Variants in XKR6 observed in about 807,000 individuals in gnomAD.
XKR6 encodes the protein XK related 6, also known as XK-related protein 6.
XKR6 carries 22 observed loss-of-function variants against 56.7 expected under a neutral mutation model. The ratio of observed to expected loss-of-function variants is 0.39; its 90% CI spans 0.28 to 0.55. The LOEUF is 0.55. Ranked by LOEUF, XKR6 falls within the 20% of genes least tolerant of loss-of-function variation. The pLI is 0.66. For missense variants in XKR6, 852 were observed against 889.0 expected (o/e 0.96, Z 0.53); for synonymous variants, 524 against 387.8 (o/e 1.35, Z -4.13).
chr8:10,900,042 C>T (rs1033542164), intron 2 of XKR6, among the ~76,000 whole-genome samples: 2 of 152,120 alleles, frequency 1.3e-5, no homozygotes, highest in Non-Finnish European at 2.9e-5. Flanking sequence ...CACAGTCCAT[C>T]TGGGGCCTCT....
At chr8:10,948,174 G>C (rs779382297) in intron 1 of XKR6, among the ~76,000 whole-genome samples, 1 of 152,176 alleles carries the variant, frequency 6.6e-6, no homozygotes, top group African/African-American at 2.4e-5. Context: ...TCCCAGCTAC[G>C]GGTGAAGAGG....
chr8:11,098,084 C>T (rs1051082264), intron 1 of XKR6, among the ~76,000 whole-genome samples: 3 of 152,110 alleles, frequency 2.0e-5, no homozygotes, highest in Non-Finnish European at 4.4e-5. Context: ...CCTTGCTAGG[C>T]TCTGCAGTTT....
chr8:11,062,110 C>T (rs1799850095), intron 1 of XKR6, among the ~76,000 whole-genome samples: 1 of 152,172 alleles, frequency 6.6e-6, no homozygotes, highest in Non-Finnish European at 1.5e-5. Flanking sequence ...GACCTGACAG[C>T]AGACAGCAAA....
intron 1 of XKR6, among the ~76,000 whole-genome samples, chr8:11,089,259 A>G (rs1391167943): frequency 7.2e-5 from 11 of 152,210 alleles, no homozygotes; most frequent in Admixed American, 7.2e-4. Flanking sequence ...CAGCTAAAAG[A>G]AAACCTTAGA....
intron 2 of XKR6, among the ~76,000 whole-genome samples, chr8:10,905,555 C>T (rs184511119): frequency 6.6e-6 from 1 of 152,150 alleles, no homozygotes; most frequent in Admixed American, 6.5e-5. Context: ...GCATTGTACC[C>T]CAGTAGGCTG....
At chr8:11,050,788 G>A (rs1219897797) in intron 1 of XKR6, among the ~76,000 whole-genome samples, 2 of 151,884 alleles carry the variant, frequency 1.3e-5, no homozygotes, top group African/African-American at 4.8e-5. Flanking sequence ...ACAGACGGAT[G>A]ACCATGTCCC....
intron 1 of XKR6, among the ~76,000 whole-genome samples, chr8:11,035,728 C>T (rs1799123841): frequency 6.6e-6 from 1 of 152,164 alleles, no homozygotes. Flanking sequence ...TCAGATCCAT[C>T]ATCCCTGTGA....
At chr8:11,078,350 C>A (rs1453484402) in intron 1 of XKR6, among the ~76,000 whole-genome samples, 5 of 152,166 alleles carry the variant, frequency 3.3e-5, no homozygotes, top group Admixed American at 6.5e-5. Flanking sequence ...CTGCCACTTG[C>A]CCAAGAACAC....
rs1799973608 is a variant in XKR6, at chr8:10,899,329, A to G, written c.962-413T>C. ...AGCCTGTGCTCTCAGAGAAGCCCAC[A>G]GGAGGAATCGCCAATTGTGAAGACC... On this transcript the variant is annotated intron_variant, in intron 2 of 2. Transcript: ENST00000416569. 2.0e-5 allele frequency among the ~76,000 whole-genome samples: 3 copies of G among 152,248 alleles called. 1 individual carries two copies. The highest frequency in any genetic ancestry group is 1.3e-4 in the Admixed American group (2 of 15,282).
chr8:11,148,793 G>A lies in XKR6; in HGVS notation c.764+51783C>T, dbSNP rs566922609. On this transcript the variant is annotated intron_variant, in intron 1 of 2. Transcript: ENST00000416569. ...ACAACACAAGTATCCATTAGCAGAT[G>A]AATGGACAAACTGGTGTTTCCATAT... Among the ~76,000 whole-genome samples the A allele has an allele frequency of 3.3e-5, 5 of 152,268 alleles. No homozygotes were observed. The East Asian group carries it at 7.7e-4, about 23-fold the overall frequency.
rs961289266 is a variant in XKR6 at position 11,201,151 on chromosome 8, G to A, written c.189C>T (p.Ser63=). 3 of 1,522,216 alleles carry A rather than the reference G, an allele frequency of 2.0e-6. No homozygotes were observed. Among genetic ancestry groups the A allele is most frequent in the East Asian group, 2.5e-5 (1 of 39,286 alleles). 94.3% of individuals were successfully genotyped at this position (1,522,216 alleles called of 1,614,324 possible). A position where few individuals can be genotyped will look rare whatever the true frequency, so the allele number is the denominator to read the frequency against. Reference sequence around the variant, plus strand: ...CGGAGCGGCAGCCCCAGTAGCACGAGGAGGTGTTGCAGCAGTGGCAGATGT... The same window carrying A: ...CGGAGCGGCAGCCCCAGTAGCACGAAGAGGTGTTGCAGCAGTGGCAGATGT... ...SMHICHCCNT[S]SCYWGCRSAC... The change falls in exon 1 of 3, where the codon TCC becomes TCT. Residue 63 remains serine (S), a synonymous_variant. Transcript: ENST00000416569.
At chr8:11,100,243 G>A (rs1225368380) in intron 1 of XKR6, among the ~76,000 whole-genome samples, 5 of 152,042 alleles carry the variant, frequency 3.3e-5, no homozygotes, top group Non-Finnish European at 5.9e-5. Context: ...TTGTAGAGAC[G>A]GGGTCTTGCC....
intron 1 of XKR6, among the ~76,000 whole-genome samples, chr8:10,959,243 A>G (rs1801989090): frequency 6.6e-6 from 1 of 152,106 alleles, no homozygotes; most frequent in Non-Finnish European, 1.5e-5. Context: ...TGGAGACCAC[A>G]GGAGTGGGAG....
intron 1 of XKR6, among the ~76,000 whole-genome samples, chr8:11,073,981 C>T (rs113293648): frequency 0.014 from 2,130 of 151,950 alleles, 25 homozygotes; most frequent in Non-Finnish European, 0.015. Context: ...GCAGTCTGTT[C>T]GGCTGGTTTG....
At chr8:11,120,982 A>G (rs930958034) in intron 1 of XKR6, among the ~76,000 whole-genome samples, 5 of 152,240 alleles carry the variant, frequency 3.3e-5, no homozygotes, top group African/African-American at 1.2e-4. Context: ...CTGGCTAGCC[A>G]TATGGAGAAA....
At chr8:10,911,299 T>C (rs1171578403) in intron 2 of XKR6, among the ~76,000 whole-genome samples, 2 of 147,520 alleles carry the variant, frequency 1.4e-5, no homozygotes, top group South Asian at 2.2e-4. Context: ...ATTGTATATA[T>C]ATGTGTAGAG....
chr8:10,973,306 C>T (rs1010959819), intron 1 of XKR6, among the ~76,000 whole-genome samples: 1 of 152,196 alleles, frequency 6.6e-6, no homozygotes, highest in African/African-American at 2.4e-5. Flanking sequence ...CAAGGTCAGT[C>T]ATCAAAATGC....
At chr8:11,147,067 C>G (rs1017966959) in intron 1 of XKR6, among the ~76,000 whole-genome samples, 3 of 151,510 alleles carry the variant, frequency 2.0e-5, no homozygotes, top group Non-Finnish European at 4.4e-5. Flanking sequence ...AGGTAGATCT[C>G]ATGTTAGGTG....
At chr8:11,065,862 C>T (rs537567788) in intron 1 of XKR6, among the ~76,000 whole-genome samples, 110 of 152,320 alleles carry the variant, frequency 7.2e-4, no homozygotes, top group Non-Finnish European at 1.3e-3. Context: ...CAACTGAGCA[C>T]GTCGTAGGTG....
Sources: allele counts gnomAD v4.1 joint callset (sites outside exome capture counted in the v4.1 genomes callset), GRCh38; gene constraint gnomAD v4.1.1; transcripts MANE v1.5; gene names NCBI Gene and HGNC (gene_info 2026-07-23, HGNC 2026-07-21).